The following CHD2 variants were observed in gnomAD, a reference collection of about 807,000 sequenced individuals.
CHD2 encodes the protein chromodomain helicase DNA binding protein 2.
Under a neutral mutation model 243.9 loss-of-function variants are expected in CHD2, and 28 were observed. The observed-to-expected ratio is 0.11, with a 90% CI of 0.09 to 0.16. The LOEUF (loss-of-function observed/expected upper bound fraction) is 0.16. Ranked by LOEUF, CHD2 falls within the 10% of genes least tolerant of loss-of-function variation. The pLI is 1.00. For synonymous variants in CHD2, 775 were observed against 779.0 expected, an observed-to-expected ratio of 0.99 and a Z score of 0.09; for missense variants, 1,386 against 2,209.8, an observed-to-expected ratio of 0.63 and a Z score of 7.47.
At chr15:92,931,948 C>G (rs1027254884) in intron 5 of CHD2, among the ~76,000 whole-genome samples, 4 of 151,288 alleles carry the variant, frequency 2.6e-5, no homozygotes, top group African/African-American at 9.7e-5. Flanking sequence ...CTGCAGCCTC[C>G]GCCTCCGGGG....
intron 13 of CHD2, 88 bp from the exon 14 acceptor site, chr15:92,953,269 A>T: frequency 1.0e-6 from 1 of 990,704 alleles, no homozygotes; most frequent in Non-Finnish European, 1.5e-6. Context: ...TGTTATTGTG[A>T]AGCATTGGTG....
At chr15:93,020,485 T>C (rs1024885583) in intron 38 of CHD2, 9 of 621,966 alleles carry the variant, frequency 1.4e-5, no homozygotes, top group Admixed American at 3.0e-5. Context: ...TCTGCCGTCT[T>C]TTGAGGAAAT....
intron 2 of CHD2, among the ~76,000 whole-genome samples, chr15:92,903,939 G>A (rs2052568434): frequency 6.6e-6 from 1 of 152,202 alleles, no homozygotes; most frequent in Non-Finnish European, 1.5e-5. Flanking sequence ...ATTAGAAATG[G>A]CATAATGCAG....
intron 11 of CHD2, 24 bp from the exon 12 acceptor site, chr15:92,946,014 A>G (rs754276657): frequency 2.7e-5 from 41 of 1,542,062 alleles, no homozygotes; most frequent in Middle Eastern, 1.9e-4. Flanking sequence ...TTGCTAATCT[A>G]TAAATTTTTT....
chr15:93,004,148 T>C (rs551143697), intron 33 of CHD2, among the ~76,000 whole-genome samples: 6 of 150,034 alleles, frequency 4.0e-5, no homozygotes, highest in Non-Finnish European at 5.9e-5. Flanking sequence ...AAAAAGTACC[T>C]GAAGTCATTT....
At chr15:92,912,557 G>A (rs758768208) in intron 2 of CHD2, among the ~76,000 whole-genome samples, 13 of 152,044 alleles carry the variant, frequency 8.6e-5, no homozygotes, top group South Asian at 2.1e-4. Flanking sequence ...GTTTTGAGAC[G>A]GAGTCTCGCT....
chr15:92,919,230 C>A (rs1289819416), intron 2 of CHD2, among the ~76,000 whole-genome samples: 1 of 151,888 alleles, frequency 6.6e-6, no homozygotes, highest in African/African-American at 2.4e-5. Context: ...GGCACGATCT[C>A]ATTTTCCATT....
At chr15:92,981,109 CT>C (rs1366899387) in intron 23 of CHD2, among the ~76,000 whole-genome samples, 198 bp downstream of exon 23, 2 of 152,092 alleles carry the variant, frequency 1.3e-5, no homozygotes, top group Admixed American at 1.3e-4. Context: ...TTCGAGTATA[CT>C]TTTTTGGGTT....
At chr15:92,979,469 C>G (rs531957820) in intron 22 of CHD2, among the ~76,000 whole-genome samples, 186 bp downstream of exon 22, 15 of 152,110 alleles carry the variant, frequency 9.9e-5, no homozygotes, top group African/African-American at 3.1e-4. Flanking sequence ...CATCACCCCC[C>G]TTCTTATGTG....
At chr15:92,928,999 G>A in intron 4 of CHD2, 31 bp from the exon 5 acceptor site, 2 of 1,601,428 alleles carry the variant, frequency 1.2e-6, no homozygotes, top group Non-Finnish European at 1.7e-6. Context: ...ATTAAAGTCT[G>A]TAATCATTTT....
At chr15:93,003,926 C>A (rs1327221347) in intron 33 of CHD2, among the ~76,000 whole-genome samples, 2 of 151,966 alleles carry the variant, frequency 1.3e-5, no homozygotes, top group East Asian at 1.9e-4. Context: ...GAGTTTGAGA[C>A]CTGCCTGGAC....
chr15:92,967,137 A>G (rs970881387), intron 16 of CHD2, among the ~76,000 whole-genome samples, 188 bp from the exon 17 acceptor site: 2 of 152,182 alleles, frequency 1.3e-5, no homozygotes, highest in Non-Finnish European at 1.5e-5. Flanking sequence ...GAAACGTGCT[A>G]TTATCCAGTG....
chr15:92,982,668 G>A (rs948289217), intron 24 of CHD2, among the ~76,000 whole-genome samples: 1 of 152,174 alleles, frequency 6.6e-6, no homozygotes, highest in African/African-American at 2.4e-5. Flanking sequence ...ATGCCCATTA[G>A]GATTGAATTG....
intron 32 of CHD2, among the ~76,000 whole-genome samples, chr15:93,001,271 A>C (rs2054252364): frequency 6.6e-6 from 1 of 152,124 alleles, no homozygotes; most frequent in Admixed American, 6.5e-5. Context: ...TGCCTAATGT[A>C]AAGGGGGCAG....
In CHD2 at chr15:92,949,023, A is replaced by C. The variant is rs769036470; in HGVS notation, c.1449A>C (p.Glu483Asp). 1.9e-6 allele frequency: 3 copies of C among 1,614,136 alleles called. No homozygotes were observed. The East Asian group carries it at 6.7e-5, about 36-fold the overall frequency. Residue 483 changes from glutamate to aspartate, a missense_variant, in exon 13 of 39, where the codon GAA (glutamate) becomes GAC (aspartate). This residue lies in a region of CHD2 where 14 missense variants were observed against 26.8 expected (regional missense o/e 0.52). Coordinates refer to ENST00000394196, the MANE Select transcript of CHD2 (RefSeq NM_001271.4). ...CATATTTAGGAGGGGAGAATCTGGA[A>C]CTTCGAGATTATCAGCTAGAAGGTC... ...QPAYLGGENL[E>D]LRDYQLEGLN...
intron 8 of CHD2, 144 bp from the exon 9 acceptor site, chr15:92,942,699 T>C (rs899604422): frequency 3.5e-6 from 2 of 578,784 alleles, no homozygotes; most frequent in African/African-American, 3.7e-5. Flanking sequence ...CGTTCTGTGT[T>C]GTTTGTGAGT....
chr15:92,970,293 C>G (rs779340480), intron 17 of CHD2, among the ~76,000 whole-genome samples: 30 of 152,170 alleles, frequency 2.0e-4, no homozygotes, highest in Admixed American at 1.2e-3. Flanking sequence ...CCTCCGCCTC[C>G]CAGGTTCAAG....
At chr15:92,958,052 G>A (rs1042849639) in intron 16 of CHD2, among the ~76,000 whole-genome samples, 3 of 152,072 alleles carry the variant, frequency 2.0e-5, no homozygotes, top group African/African-American at 7.2e-5. Context: ...ATGGACATTT[G>A]GATTGCTTTG....
In CHD2 at chr15:93,024,772, G is replaced by A. The variant is rs1373783378; in HGVS notation, c.*67G>A. 10 of 1,369,548 alleles carry A rather than the reference G, an allele frequency of 7.3e-6. No homozygotes were observed. Among genetic ancestry groups the A allele is most frequent in the Non-Finnish European group, 1.0e-5 (10 of 997,440 alleles). 84.8% of individuals were successfully genotyped at this position (1,369,548 alleles called of 1,614,324 possible). A position where few individuals can be genotyped will look rare whatever the true frequency, so the allele number is the denominator to read the frequency against. ...TGGATATTTTTGGTCTGATCCTACA[G>A]TAGCCGGTTATCTAGACCAGTAAGT... On this transcript the variant is annotated 3_prime_UTR_variant, in exon 39 of 39. Transcript: ENST00000394196.
Sources: gnomAD v4.1 joint callset for allele counts (sites outside exome capture counted in the v4.1 genomes callset) on GRCh38, gnomAD v4.1.1 for gene constraint, gnomAD v4.1.1 regional missense constraint, MANE v1.5 for transcripts, NCBI Gene and HGNC (gene_info 2026-07-23, HGNC 2026-07-21) for gene names.